Variants in GRM1 observed in about 807,000 individuals in gnomAD.
GRM1 encodes glutamate metabotropic receptor 1, also known as metabotropic glutamate receptor 1.
GRM1 carries 33 observed loss-of-function variants against 90.9 expected under a neutral mutation model. The ratio of observed to expected loss-of-function variants is 0.36; its 90% CI spans 0.28 to 0.49. GRM1 has a LOEUF of 0.49. Among genes scored for constraint, GRM1 ranks in the 20% least tolerant of loss-of-function variants. GRM1 has a pLI of 0.99. For missense variants in GRM1, 1,190 were observed against 1,534.3 expected (o/e 0.78, Z 3.75); for synonymous variants, 700 against 613.2 (o/e 1.14, Z -2.09).
At chr6:146,323,925 G>T (rs1471636898) in intron 3 of GRM1, among the ~76,000 whole-genome samples, 1 of 152,058 alleles carries the variant, frequency 6.6e-6, no homozygotes, top group African/African-American at 2.4e-5. Context: ...TATTTCTGAG[G>T]GCTCTGTTCT....
intron 1 of GRM1, among the ~76,000 whole-genome samples, chr6:146,139,877 C>CTTCCCTTCCG (rs1776773130): frequency 4.3e-5 from 4 of 93,834 alleles, no homozygotes; most frequent in African/African-American, 2.1e-4. Context: ...GCTTTGTTCC[C>CTTCCCTTCCG]TTCCCTTCCC....
At chr6:146,318,147 C>T (rs946951877) in intron 3 of GRM1, among the ~76,000 whole-genome samples, 1 of 152,146 alleles carries the variant, frequency 6.6e-6, no homozygotes, top group Non-Finnish European at 1.5e-5. Context: ...CTATCACTCC[C>T]CTAGCCCCCT....
intron 1 of GRM1, among the ~76,000 whole-genome samples, chr6:146,114,469 G>A (rs1562471864): frequency 6.6e-6 from 1 of 152,108 alleles, no homozygotes; most frequent in African/African-American, 2.4e-5. Flanking sequence ...ACTGTGTGAG[G>A]TGTTACGTGC....
intron 1 of GRM1, among the ~76,000 whole-genome samples, chr6:146,111,064 A>G (rs897827261): frequency 5.3e-5 from 8 of 152,238 alleles, no homozygotes; most frequent in African/African-American, 1.9e-4. Flanking sequence ...AAATTAAGCA[A>G]TGTTCCAGGG....
intron 7 of GRM1, among the ~76,000 whole-genome samples, chr6:146,427,964 TTGAC>T (rs1284821195): frequency 6.6e-6 from 1 of 151,980 alleles, no homozygotes; most frequent in Non-Finnish European, 1.5e-5. Flanking sequence ...GAGAGGAGAG[TTGAC>T]TGACATTTTG....
At chr6:146,125,483 T>A (rs770919975) in intron 1 of GRM1, among the ~76,000 whole-genome samples, 1 of 150,942 alleles carries the variant, frequency 6.6e-6, no homozygotes, top group Non-Finnish European at 1.5e-5. Context: ...CAACTTTCTC[T>A]CACCTTTTCC....
At chr6:146,082,558 C>T (rs1776400546) in intron 1 of GRM1, among the ~76,000 whole-genome samples, 1 of 152,122 alleles carries the variant, frequency 6.6e-6, no homozygotes, top group Admixed American at 6.6e-5. Flanking sequence ...TAACCCCTTC[C>T]TTTCTCTACC....
intron 2 of GRM1, among the ~76,000 whole-genome samples, chr6:146,243,721 ACATCTT>A (rs1178022442): frequency 1.3e-5 from 2 of 152,154 alleles, no homozygotes; most frequent in Admixed American, 6.5e-5. Context: ...GTCATTGATA[ACATCTT>A]ATCAGGAGAC....
intron 5 of GRM1, among the ~76,000 whole-genome samples, chr6:146,364,265 G>A (rs1775596313): frequency 6.6e-6 from 1 of 152,192 alleles, no homozygotes; most frequent in African/African-American, 2.4e-5. Flanking sequence ...TCCAGTGCAT[G>A]TGCTTCAAAA....
intron 2 of GRM1, among the ~76,000 whole-genome samples, chr6:146,257,497 C>T (rs1181661701): frequency 6.7e-6 from 1 of 149,996 alleles, no homozygotes; most frequent in East Asian, 1.9e-4. Context: ...ATGTGTGTGT[C>T]TGTCTGTGTA....
intron 1 of GRM1, among the ~76,000 whole-genome samples, chr6:146,104,782 T>C (rs1182053477): frequency 6.6e-6 from 1 of 152,184 alleles, no homozygotes; most frequent in African/African-American, 2.4e-5. Context: ...AAAAAATGAC[T>C]ACAGGTTCAT....
Position 146,435,868 on chromosome 6 carries a change from A to G in GRM1, c.*1072A>G, listed in dbSNP as rs886907770. The G allele has an allele frequency of 2.6e-5, 4 of 152,762 alleles. No homozygotes were observed. Among genetic ancestry groups the G allele is most frequent in the Middle Eastern group, 3.4e-3 (1 of 294 alleles). 9.5% of individuals were successfully genotyped at this position (152,762 alleles called of 1,614,324 possible). A position where few individuals can be genotyped will look rare whatever the true frequency, so the allele number is the denominator to read the frequency against. On this transcript the variant is annotated 3_prime_UTR_variant, in exon 8 of 8. Transcript: ENST00000282753. ...AACTTCTAAGATGCGTATATGTACA[A>G]TTTGGTGCCATTATTTCTCCTACGT...
intron 1 of GRM1, among the ~76,000 whole-genome samples, chr6:146,128,047 T>C (rs1210875461): frequency 1.3e-5 from 2 of 152,120 alleles, no homozygotes; most frequent in Admixed American, 1.3e-4. Flanking sequence ...ACACATGGCC[T>C]CTCTACGTGG....
rs1481924105 is a variant in GRM1 at position 146,385,662 on chromosome 6, T to C, written c.1603-1228T>C. On this transcript the variant is annotated intron_variant, in intron 5 of 7. Coordinates refer to ENST00000282753, the MANE Select transcript of GRM1 (RefSeq NM_001278064.2). Reference sequence around the variant, plus strand: ...TGTAAATATATGGCTAAATATAAAATATAATATCTTTGTTATTTTAAAAAA... The same window carrying C: ...TGTAAATATATGGCTAAATATAAAACATAATATCTTTGTTATTTTAAAAAA... Among the ~76,000 whole-genome samples, 3 of 151,854 alleles carry C rather than the reference T, an allele frequency of 2.0e-5. No individual in the cohort carries two copies. In the South Asian group the frequency reaches 6.2e-4, roughly 31 times the overall value.
intron 1 of GRM1, among the ~76,000 whole-genome samples, chr6:146,138,460 G>C (rs1050419395): frequency 2.1e-4 from 32 of 152,110 alleles, no homozygotes; most frequent in African/African-American, 7.5e-4. Context: ...ATGGGTATTA[G>C]TTATTTAAAT....
chr6:146,178,106 C>T (rs1454457526), intron 2 of GRM1, among the ~76,000 whole-genome samples: 1 of 152,136 alleles, frequency 6.6e-6, no homozygotes. Context: ...TTTTTACTTA[C>T]TGTCCATTTT....
chr6:146,200,542 G>T lies in GRM1; in HGVS notation c.950+40945G>T, dbSNP rs188879182. The stretch of plus-strand genomic sequence containing the variant: ...TGCATTGGCCATATATCATGCAGGA[G>T]CATGCATATATTCTTTGTCTTCTTG... On this transcript the variant is annotated intron_variant, in intron 2 of 7. Coordinates refer to ENST00000282753, the MANE Select transcript of GRM1 (RefSeq NM_001278064.2). 5.3e-5 allele frequency among the ~76,000 whole-genome samples: 8 copies of T among 152,238 alleles called. No homozygotes were observed. In the East Asian group the frequency reaches 1.2e-3, roughly 22 times the overall value.
rs555503367 is a variant in GRM1, at chr6:146,173,668, CT to C, written c.950+14086del. Among the ~76,000 whole-genome samples the C allele has an allele frequency of 1.4e-3, 188 of 134,376 alleles. 1 individual carries two copies. The highest frequency in any genetic ancestry group is 1.9e-3 in the East Asian group (9 of 4,654). 88.2% of individuals were successfully genotyped at this position (134,376 alleles called of 152,430 possible). ...GCAGAATAATTTTTTTCCTGAGGTT[CT>C]TTTTTTTTTTTTTTCGAGACAGAGT... On this transcript the variant is annotated intron_variant, in intron 2 of 7. Coordinates refer to ENST00000282753, the MANE Select transcript of GRM1 (RefSeq NM_001278064.2).
At chr6:146,291,114 T>A (rs6921574) in intron 2 of GRM1, among the ~76,000 whole-genome samples, 11,016 of 152,152 alleles carry the variant, frequency 0.072, 1,351 homozygotes, top group African/African-American at 0.25. Context: ...TTGCCTTAAA[T>A]TATTCCTTCT....
Sources: allele counts gnomAD v4.1 joint callset (sites outside exome capture counted in the v4.1 genomes callset), GRCh38; gene constraint gnomAD v4.1.1; transcripts MANE v1.5; gene names NCBI Gene and HGNC (gene_info 2026-07-23, HGNC 2026-07-21).